Variants in RBFOX3 observed in about 807,000 individuals in gnomAD.
RBFOX3 encodes RNA binding protein fox-1 homolog 3.
In RBFOX3, 17 loss-of-function variants were observed where a neutral mutation model predicts 48.7. The observed-to-expected ratio is 0.35, with a 90% CI of 0.24 to 0.52. The LOEUF is 0.52. Ranked by LOEUF, RBFOX3 falls within the 20% of genes least tolerant of loss-of-function variation. RBFOX3 has a pLI of 0.94. For synonymous variants in RBFOX3, 212 were observed against 209.5 expected, an observed-to-expected ratio of 1.01 and a Z score of -0.10; for missense variants, 382 against 497.5, an observed-to-expected ratio of 0.77 and a Z score of 2.21.
At chr17:79,324,332 C>T (rs1204616603) in intron 2 of RBFOX3, among the ~76,000 whole-genome samples, 1 of 152,208 alleles carries the variant, frequency 6.6e-6, no homozygotes, top group African/African-American at 2.4e-5. Flanking sequence ...AGCTGGCTGA[C>T]ATCTGGCAAA....
intron 2 of RBFOX3, among the ~76,000 whole-genome samples, chr17:79,435,757 C>T (rs2069310598): frequency 6.6e-6 from 1 of 152,210 alleles, no homozygotes; most frequent in African/African-American, 2.4e-5. Flanking sequence ...TGTCTCCATG[C>T]AGGTGGTTCT....
In RBFOX3 at chr17:79,111,281, A is replaced by T. The variant is rs540209517; in HGVS notation, c.222+4213T>A. On this transcript the variant is annotated intron_variant, in intron 5 of 14. Coordinates refer to ENST00000693108, the MANE Select transcript of RBFOX3 (RefSeq NM_001350451.2). The surrounding 1 kb of genome is among the most constrained non-coding windows in gnomAD (Gnocchi z 4.2). ...AGTGAGGGAGGTGCTGGCCCCTCAG[A>T]CATCAGGCCCTTGCGGCCCACGTGG... 6.6e-6 allele frequency among the ~76,000 whole-genome samples: 1 copy of T among 152,142 alleles called. No individual in the cohort carries two copies. Among genetic ancestry groups the T allele is most frequent in the African/African-American group, 2.4e-5 (1 of 41,516 alleles).
chr17:79,418,045 T>C lies in RBFOX3; in HGVS notation c.-175+64409A>G, dbSNP rs2065674233. ...TCAGAGACAGAAAGGAGAATGGAGA[T>C]GCCAGGGGCTGGGGAGATAGGAAGG... On this transcript the variant is annotated intron_variant, in intron 2 of 14. Transcript: ENST00000693108. This position sits in a 1 kb window ranked among gnomAD's most constrained non-coding sequence, Gnocchi z 5.0. Among the ~76,000 whole-genome samples, 1 of 152,134 alleles carries C rather than the reference T, an allele frequency of 6.6e-6. No individual in the cohort carries two copies. The highest frequency in any genetic ancestry group is 6.5e-5 in the Admixed American group (1 of 15,272).
intron 1 of RBFOX3, among the ~76,000 whole-genome samples, chr17:79,525,775 G>A (rs1336886989): frequency 6.6e-6 from 1 of 152,144 alleles, no homozygotes; most frequent in Non-Finnish European, 1.5e-5. Flanking sequence ...TATTCTATGA[G>A]TACATTTTAA....
At chr17:79,547,386 C>T (rs888921182) in intron 1 of RBFOX3, among the ~76,000 whole-genome samples, 8 of 152,116 alleles carry the variant, frequency 5.3e-5, no homozygotes, top group Admixed American at 2.6e-4. Flanking sequence ...ATCCCAGAGG[C>T]GGAGGTTGCA....
chr17:79,209,560 G>T (rs2058066106), intron 4 of RBFOX3, among the ~76,000 whole-genome samples: 1 of 152,204 alleles, frequency 6.6e-6, no homozygotes, highest in Non-Finnish European at 1.5e-5. Flanking sequence ...GAGCACCTCT[G>T]CAGAGAGATG....
At chr17:79,332,923 A>G (rs1293061575) in intron 2 of RBFOX3, among the ~76,000 whole-genome samples, 1 of 60,644 alleles carries the variant, frequency 1.6e-5, no homozygotes, top group African/African-American at 6.7e-5. Flanking sequence ...CAGAGGCAGA[A>G]AGACAGATAG....
chr17:79,188,005 G>A (rs547702895), intron 4 of RBFOX3, among the ~76,000 whole-genome samples: 5 of 152,310 alleles, frequency 3.3e-5, no homozygotes, highest in African/African-American at 1.2e-4. Context: ...GGAGTCGGGG[G>A]CTGCTTCCAC....
chr17:79,611,160 C>CT (rs2093963022), upstream of RBFOX3, among the ~76,000 whole-genome samples: 1 of 35,736 alleles, frequency 2.8e-5, no homozygotes, highest in Non-Finnish European at 6.6e-5. Flanking sequence ...CTCTCTCTCT[C>CT]TCTCTCTCTC....
At chr17:79,229,558 C>CAAAA (rs11435725) in intron 4 of RBFOX3, among the ~76,000 whole-genome samples, 20 of 50,630 alleles carry the variant, frequency 4.0e-4, no homozygotes, top group East Asian at 8.4e-4. Flanking sequence ...GACTCCATCT[C>CAAAA]AAAAAAAAAA....
At chr17:79,587,374 C>T (rs1044025116) in intron 1 of RBFOX3, among the ~76,000 whole-genome samples, 6 of 152,224 alleles carry the variant, frequency 3.9e-5, no homozygotes, top group Admixed American at 6.5e-5. Context: ...AGCATGTCCA[C>T]GGCAGCCTGA....
intron 4 of RBFOX3, among the ~76,000 whole-genome samples, chr17:79,126,741 C>T (rs970348998): frequency 1.3e-5 from 2 of 152,190 alleles, no homozygotes; most frequent in African/African-American, 4.8e-5. Flanking sequence ...CAGCCCAGCC[C>T]GCCAGACAAA....
intron 2 of RBFOX3, among the ~76,000 whole-genome samples, chr17:79,388,058 A>G (rs2060820622): frequency 9.9e-6 from 1 of 101,200 alleles, no homozygotes. Context: ...ACATGTGTGC[A>G]CTGTGCAGTG....
intron 2 of RBFOX3, among the ~76,000 whole-genome samples, chr17:79,360,161 A>C (rs9902383): frequency 0.24 from 36,895 of 151,928 alleles, 4,607 homozygotes; most frequent in East Asian, 0.34. Flanking sequence ...GTGCTCATGA[A>C]ACAAAAATAC....
At chr17:79,465,580 A>C (rs78035468) in intron 2 of RBFOX3, among the ~76,000 whole-genome samples, 36 of 117,056 alleles carry the variant, frequency 3.1e-4, no homozygotes, top group East Asian at 9.9e-4. Flanking sequence ...CACATGCACA[A>C]AAAAAAAAAA....
chr17:79,394,759 C>A (rs1157468233), intron 2 of RBFOX3, among the ~76,000 whole-genome samples: 1 of 152,228 alleles, frequency 6.6e-6, no homozygotes. Flanking sequence ...ACCCACACAT[C>A]TCTCTCCTCA....
At chr17:79,133,195 G>C (rs2039389768) in intron 4 of RBFOX3, among the ~76,000 whole-genome samples, 1 of 152,198 alleles carries the variant, frequency 6.6e-6, no homozygotes, top group African/African-American at 2.4e-5. Flanking sequence ...ATCCCGGTAA[G>C]TTACCAAGGC....
chr17:79,219,453 CCTT>C (rs1028221766), intron 4 of RBFOX3, among the ~76,000 whole-genome samples: 3 of 152,216 alleles, frequency 2.0e-5, no homozygotes, highest in Non-Finnish European at 2.9e-5. Flanking sequence ...CTAAACCTTT[CCTT>C]CTTCTCCCAG....
chr17:79,174,291 CCACATGCACACAATGCATTCACT>C (rs1169797226), intron 4 of RBFOX3, among the ~76,000 whole-genome samples: 1 of 151,886 alleles, frequency 6.6e-6, no homozygotes, highest in East Asian at 1.9e-4. Flanking sequence ...CACATACATG[CCACATGCACACAATGCATTCACT>C]CACATGCACA....
Sources: allele counts gnomAD v4.1 joint callset (sites outside exome capture counted in the v4.1 genomes callset), GRCh38; gene constraint gnomAD v4.1.1; non-coding constraint Gnocchi (gnomAD v3.1); transcripts MANE v1.5; gene names NCBI Gene and HGNC (gene_info 2026-07-23, HGNC 2026-07-21).